The following MYO7B variants were observed in gnomAD, a reference collection of about 807,000 sequenced individuals.
The protein encoded by MYO7B is unconventional myosin-VIIb.
Under a neutral mutation model 259.7 loss-of-function variants are expected in MYO7B, and 212 were observed. The observed-to-expected ratio is 0.82, with a 90% CI of 0.73 to 0.91. The LOEUF is 0.91. Among genes scored for constraint, MYO7B ranks in the 40% least tolerant of loss-of-function variants. MYO7B has a pLI of 0.00. For synonymous variants in MYO7B, 1,197 were observed against 1,166.4 expected, an observed-to-expected ratio of 1.03 and a Z score of -0.54; for missense variants, 2,732 against 2,813.5, an observed-to-expected ratio of 0.97 and a Z score of 0.66.
At chr2:127,612,684 C>T (rs1680433047) in intron 26 of MYO7B, 81 bp downstream of exon 26, 5 of 1,539,776 alleles carry the variant, frequency 3.2e-6, no homozygotes, top group Middle Eastern at 2.3e-4. Flanking sequence ...ACAGCCTCCC[C>T]CACCACCCCT....
intron 1 of MYO7B, among the ~76,000 whole-genome samples, chr2:127,541,053 C>T (rs1414284353): frequency 6.6e-6 from 1 of 152,216 alleles, no homozygotes; most frequent in Admixed American, 6.5e-5. Context: ...CTGTGAATGA[C>T]ATCATCTCCA....
In MYO7B at chr2:127,592,827, C is replaced by T; in HGVS notation, c.2026C>T (p.Arg676Ter). 1.2e-6 allele frequency: 2 copies of T among 1,609,856 alleles called. No homozygotes were observed. The highest frequency in any genetic ancestry group is 1.7e-6 in the Non-Finnish European group (2 of 1,178,888). The part of the protein sequence containing the change: ...FDRELCLRQL[R>*]YSGMMETVHI... ...CCGGGAGCTGTGCCTGCGGCAGCTG[C>T]GATACTCGGGCATGATGGAGACCGT... The change falls in exon 17 of 48, where the codon CGA (arginine) becomes TGA (stop). Residue 676 changes from arginine (R) to a stop codon, truncating the protein, a stop_gained. Coordinates refer to ENST00000409816, the MANE Select transcript of MYO7B (RefSeq NM_001393586.1). LOFTEE classifies it high-confidence loss of function.
chr2:127,607,148 T>C lies in MYO7B; in HGVS notation c.2425-58T>C. 6.8e-7 allele frequency: 1 copy of C among 1,479,324 alleles called. No homozygotes were observed. The highest frequency in any genetic ancestry group is 1.3e-5 in the South Asian group (1 of 76,418). The allele number at this position is 1,479,324 out of a possible 1,614,324, so 91.6% of individuals were successfully genotyped here. The stretch of plus-strand genomic sequence containing the variant: ...CACTGCCTCCTGGGGAGCACCCCTC[T>C]CTGTTTCCTGGGGAAGGCCTTCTTG... On this transcript the variant is annotated intron_variant, in intron 20 of 47. Transcript: ENST00000409816. This position sits in a 1 kb window ranked among gnomAD's most constrained non-coding sequence, Gnocchi z 4.4.
chr2:127,550,519 C>T (rs774440727), intron 1 of MYO7B, among the ~76,000 whole-genome samples: 2 of 150,490 alleles, frequency 1.3e-5, no homozygotes, highest in Non-Finnish European at 2.9e-5. Flanking sequence ...GATCACGCAA[C>T]TGCACTCTAG....
At chr2:127,548,649 C>A (rs538077383) in intron 1 of MYO7B, among the ~76,000 whole-genome samples, 2 of 151,930 alleles carry the variant, frequency 1.3e-5, no homozygotes, top group South Asian at 2.1e-4. Flanking sequence ...CTCCTGACCT[C>A]GTGATCCACC....
chr2:127,628,412 C>T lies in MYO7B; in HGVS notation c.4501C>T (p.His1501Tyr). 1.9e-6 allele frequency: 3 copies of T among 1,600,810 alleles called. No homozygotes were observed. Among genetic ancestry groups the T allele is most frequent in the Non-Finnish European group, 2.6e-6 (3 of 1,175,672 alleles). ...GGQRLLLSTM[H>Y]EEYEFVSPSS... is the part of the protein sequence containing the mutation. ...GCAGAGGCTGCTGCTCTCCACGATG[C>T]ATGAGGAGTACGAGTTTGTGTCACC... The change falls in exon 34 of 48, where the codon CAT becomes TAT. Residue 1501 changes from histidine (H) to tyrosine (Y), a missense_variant. His to Tyr is a moderately conservative substitution (Grantham distance 83). Around this residue, in one of 3 missense-constraint regions of MYO7B, gnomAD observed 1,906 missense variants for 2,026.4 expected, o/e 0.94. Transcript: ENST00000409816. This position sits in a 1 kb window ranked among gnomAD's most constrained non-coding sequence, Gnocchi z 4.8.
In MYO7B at chr2:127,602,313, A is replaced by G. The variant is rs945589918; in HGVS notation, c.2340-3531A>G. ...GTCCATTTACCTTCTCTCATATGTA[A>G]TACAATTTTCTTATTTTCTCTACAT... On this transcript the variant is annotated intron_variant, in intron 19 of 47. Coordinates refer to ENST00000409816, the MANE Select transcript of MYO7B (RefSeq NM_001393586.1). Among the ~76,000 whole-genome samples, 10 of 152,308 alleles carry G rather than the reference A, an allele frequency of 6.6e-5. 1 individual carries two copies. Among genetic ancestry groups the G allele is most frequent in the African/African-American group, 1.2e-4 (5 of 41,554 alleles).
In MYO7B at chr2:127,613,648, G is replaced by T. The variant is rs1337674661; in HGVS notation, c.3398+1045G>T. Among the ~76,000 whole-genome samples, 1 of 152,164 alleles carries T rather than the reference G, an allele frequency of 6.6e-6. No homozygotes were observed. Among genetic ancestry groups the T allele is most frequent in the Non-Finnish European group, 1.5e-5 (1 of 68,038 alleles). The stretch of plus-strand genomic sequence containing the variant: ...TGACTGTTTTTTCCTCATAAGTCTA[G>T]TACTTTTGGGTTGTATCCTGGACAT... On this transcript the variant is annotated intron_variant, in intron 26 of 47. Coordinates refer to ENST00000409816, the MANE Select transcript of MYO7B (RefSeq NM_001393586.1). The surrounding 1 kb of genome is among the most constrained non-coding windows in gnomAD (Gnocchi z 4.3).
intron 3 of MYO7B, 27 bp downstream of exon 3, chr2:127,564,293 C>A: frequency 6.6e-7 from 1 of 1,504,688 alleles, no homozygotes; most frequent in Non-Finnish European, 9.0e-7. Flanking sequence ...TTCCTCTGGG[C>A]CCTGCCCTGC....
rs1161525455 is a variant in MYO7B, at chr2:127,565,323, G to C, written c.223G>C (p.Asp75His). ...TGTGGACGACATGATCCGCCTGGGG[G>C]ACCTGAACGAGGCAGGCATGGTGCA... ...QGVDDMIRLG[D>H]LNEAGMVHNL... The change falls in exon 4 of 48, where the codon GAC (aspartate) becomes CAC (histidine). Residue 75 changes from aspartate to histidine, a missense_variant. Physicochemically the swap from Asp to His is moderately conservative, Grantham distance 81. Transcript: ENST00000409816. 6.2e-7 allele frequency: 1 copy of C among 1,614,046 alleles called. No homozygotes were observed. Among genetic ancestry groups the C allele is most frequent in the African/African-American group, 1.3e-5 (1 of 75,068 alleles).
chr2:127,573,926 G>A lies in MYO7B; in HGVS notation c.599G>A (p.Gly200Glu). Residue 200 changes from glycine to glutamate, a missense_variant, in exon 7 of 48, where the codon GGA becomes GAA. Transcript: ENST00000409816. Reference protein sequence around the residue: ...LEANPILEAFGNAKTIRNDNS... With the variant: ...LEANPILEAFENAKTIRNDNS... ...ATCGCCCGCTTACCTTCAGCCTTTG[G>A]AAATGCCAAGACAATCCGCAACGAC... is the stretch of plus-strand genomic sequence containing the variant. 6.2e-7 allele frequency: 1 copy of A among 1,614,034 alleles called. No individual in the cohort carries two copies. The highest frequency in any genetic ancestry group is 8.5e-7 in the Non-Finnish European group (1 of 1,179,886).
At chr2:127,538,226 G>T (rs911551747) in intron 1 of MYO7B, among the ~76,000 whole-genome samples, 17 of 152,158 alleles carry the variant, frequency 1.1e-4, no homozygotes, top group African/African-American at 3.9e-4. Flanking sequence ...TACCAGTAAG[G>T]CTTGGGCACT....
intron 26 of MYO7B, among the ~76,000 whole-genome samples, chr2:127,618,095 G>T (rs2248755): frequency 0.18 from 27,477 of 151,896 alleles, 2,545 homozygotes; most frequent in Middle Eastern, 0.26. Context: ...ATTTGTCCCT[G>T]CAGGCCTCTT....
intron 6 of MYO7B, among the ~76,000 whole-genome samples, chr2:127,570,627 A>G (rs574449074): frequency 6.6e-6 from 1 of 152,296 alleles, no homozygotes; most frequent in African/African-American, 2.4e-5. Flanking sequence ...GTAAATATTC[A>G]CCTTTTTCAA....
At chr2:127,571,505 A>T (rs1573636839) in intron 6 of MYO7B, among the ~76,000 whole-genome samples, 2 of 62,892 alleles carry the variant, frequency 3.2e-5, no homozygotes, top group African/African-American at 6.9e-5. Flanking sequence ...TTTGAGACGG[A>T]GTTTCGCTCT....
In MYO7B at chr2:127,631,280, C is replaced by G. The variant is rs767160326; in HGVS notation, c.5012C>G (p.Ser1671Cys). 1 of 1,612,136 alleles carries G rather than the reference C, an allele frequency of 6.2e-7. No individual in the cohort carries two copies. Among genetic ancestry groups the G allele is most frequent in the South Asian group, 1.1e-5 (1 of 91,010 alleles). ...GCCCGTGGCCACCTGTGGGCCTATT[C>G]CTGCGAGCCGCTGCGACAGCCGCTG... Reference protein sequence around the residue: ...ARARGHLWAYSCEPLRQPLLK... With the variant: ...ARARGHLWAYCCEPLRQPLLK... Residue 1671 changes from serine (S) to cysteine (C), a missense_variant, in exon 37 of 48, where the codon TCC becomes TGC. This residue lies in a region of MYO7B where 821 missense variants were observed against 769.3 expected (regional missense o/e 1.07). Coordinates refer to ENST00000409816, the MANE Select transcript of MYO7B (RefSeq NM_001393586.1).
chr2:127,557,349 T>A (rs1220555491), intron 1 of MYO7B, among the ~76,000 whole-genome samples: 1 of 152,160 alleles, frequency 6.6e-6, no homozygotes, highest in Admixed American at 6.6e-5. Flanking sequence ...TACGTTTCTC[T>A]GGTGCCTCCT....
At position 127,636,572 on chromosome 2, in the gene MYO7B, G is replaced by A. The variant is rs749313281; in HGVS notation, c.6151G>A (p.Val2051Ile). The change falls in exon 46 of 48, where the codon GTC becomes ATC. Residue 2051 changes from valine to isoleucine, a missense_variant. Val to Ile is a conservative substitution (Grantham distance 29). Transcript: ENST00000409816. This position sits in a 1 kb window ranked among gnomAD's most constrained non-coding sequence, Gnocchi z 4.5. ...KQTSEPSYPD[V>I]ILIAINRHGV... ...AACCTCGGAGCCTTCCTACCCGGAC[G>A]TCATCCTCATCGCCATCAACCGACA... The A allele has an allele frequency of 1.9e-5, 30 of 1,612,566 alleles. No individual in the cohort carries two copies. The highest frequency in any genetic ancestry group is 4.4e-5 in the South Asian group (4 of 90,814).
In MYO7B at chr2:127,605,831, A is replaced by G; in HGVS notation, c.2340-13A>G. 1.2e-6 allele frequency: 2 copies of G among 1,612,700 alleles called. No homozygotes were observed. The highest frequency in any genetic ancestry group is 2.2e-5 in the South Asian group (2 of 90,786). On this transcript the variant is annotated splice_polypyrimidine_tract_variant and intron_variant, in intron 19 of 47. Coordinates refer to ENST00000409816, the MANE Select transcript of MYO7B (RefSeq NM_001393586.1). ...GGATTGTTACATGTGTGTGGCTTGCATTGCCCTTCTAGGAAGGAGTTCCTG... is the reference window on the plus strand; with the variant it reads ...GGATTGTTACATGTGTGTGGCTTGCGTTGCCCTTCTAGGAAGGAGTTCCTG...
Sources: allele counts gnomAD v4.1 joint callset (sites outside exome capture counted in the v4.1 genomes callset), GRCh38; gene constraint gnomAD v4.1.1; regional missense constraint gnomAD v4.1.1; non-coding constraint Gnocchi (gnomAD v3.1); transcripts MANE v1.5; gene names NCBI Gene and HGNC (gene_info 2026-07-23, HGNC 2026-07-21).